ATP11A: variants seen among roughly 807,000 people sequenced by gnomAD.
ATP11A encodes the protein phospholipid-transporting ATPase IH.
ATP11A carries 81 observed loss-of-function variants against 154.4 expected under a neutral mutation model. The ratio of observed to expected loss-of-function variants is 0.52; its 90% CI spans 0.44 to 0.63. ATP11A has a LOEUF of 0.63. ATP11A is among the 30% of genes least tolerant of loss of function. The pLI, the probability that ATP11A is intolerant of heterozygous loss-of-function variation, is 0.00. For synonymous variants in ATP11A, 623 were observed against 585.9 expected (o/e 1.06, Z -0.91); for missense variants, 1,316 against 1,474.3 (o/e 0.89, Z 1.76).
intron 13 of ATP11A, 44 bp from the exon 14 acceptor site, chr13:112,832,816 G>A: frequency 6.3e-7 from 1 of 1,594,576 alleles, no homozygotes; most frequent in South Asian, 1.1e-5. Flanking sequence ...TATCTTCAGT[G>A]GACGCACCGT....
chr13:112,796,979 A>C (rs2078016166), intron 2 of ATP11A, among the ~76,000 whole-genome samples: 2 of 152,208 alleles, frequency 1.3e-5, no homozygotes, highest in Admixed American at 1.3e-4. Flanking sequence ...TAGGTGAAGC[A>C]GGCCAGGCAC....
intron 16 of ATP11A, among the ~76,000 whole-genome samples, chr13:112,841,895 C>T (rs2079431557): frequency 6.6e-6 from 1 of 152,264 alleles, no homozygotes; most frequent in South Asian, 2.1e-4. Context: ...ACAGATGACT[C>T]TCCGAAGGGG....
chr13:112,828,835 C>T (rs79401468), intron 12 of ATP11A, among the ~76,000 whole-genome samples: 2,591 of 152,292 alleles, frequency 0.017, 35 homozygotes, highest in Middle Eastern at 0.058. Context: ...TTCATCTGAC[C>T]GCAGCTCTGT....
At chr13:112,722,011 C>A (rs1423595035) in intron 1 of ATP11A, among the ~76,000 whole-genome samples, 1 of 152,094 alleles carries the variant, frequency 6.6e-6, no homozygotes, top group Non-Finnish European at 1.5e-5. Flanking sequence ...GCCACATAAC[C>A]CTGCAATCTG....
chr13:112,864,636 G>A (rs75899428), intron 25 of ATP11A, among the ~76,000 whole-genome samples: 5 of 48,826 alleles, frequency 1.0e-4, no homozygotes, highest in Non-Finnish European at 9.4e-5. Context: ...TCCCAGCGGG[G>A]TCCATCACCA....
rs1223579244 is a variant in ATP11A, at chr13:112,858,286, A to G, written c.2663A>G (p.Tyr888Cys). The G allele has an allele frequency of 5.0e-6, 8 of 1,611,980 alleles. No homozygotes were observed. The highest frequency in any genetic ancestry group is 1.3e-5 in the African/African-American group (1 of 74,876). The change falls in exon 22 of 30, where the codon TAT becomes TGT. Residue 888 changes from tyrosine to cysteine, a missense_variant. Transcript: ENST00000375645. ...RISELVQYFFYKNVCFIFPQF... is the reference protein window; with the variant it reads ...RISELVQYFFCKNVCFIFPQF... ...TCTGAGCTCGTGCAGTACTTCTTCT[A>G]TAAGGTAGGAGGGTCGCCGCTCCCC... is the stretch of plus-strand genomic sequence containing the variant.
At chr13:112,802,207 G>C (rs570650961) in intron 2 of ATP11A, among the ~76,000 whole-genome samples, 1 of 152,076 alleles carries the variant, frequency 6.6e-6, no homozygotes, top group Non-Finnish European at 1.5e-5. Context: ...TTAGCCGGGC[G>C]TGGTGGTGGG....
At chr13:112,783,413 G>A (rs1473629579) in intron 1 of ATP11A, among the ~76,000 whole-genome samples, 2 of 152,218 alleles carry the variant, frequency 1.3e-5, no homozygotes, top group African/African-American at 2.4e-5. Context: ...TTCTGTTCCC[G>A]TTGCCTCATT....
chr13:112,770,672 C>G (rs2077204579), intron 1 of ATP11A, among the ~76,000 whole-genome samples: 1 of 152,228 alleles, frequency 6.6e-6, no homozygotes. Flanking sequence ...GTTTATTACA[C>G]CCGAGCAAGG....
intron 1 of ATP11A, among the ~76,000 whole-genome samples, chr13:112,692,914 C>G (rs1041356203): frequency 2.6e-5 from 4 of 152,164 alleles, no homozygotes; most frequent in Non-Finnish European, 5.9e-5. Flanking sequence ...CTCATATTTC[C>G]TCATGGTTTC....
At chr13:112,832,668 A>G (rs1311358322) in intron 13 of ATP11A, among the ~76,000 whole-genome samples, 192 bp from the exon 14 acceptor site, 1 of 152,218 alleles carries the variant, frequency 6.6e-6, no homozygotes, top group Admixed American at 6.5e-5. Context: ...TCTCAATTAC[A>G]AAACAGAGTG....
intron 2 of ATP11A, among the ~76,000 whole-genome samples, chr13:112,797,690 C>T (rs1439816014): frequency 1.3e-5 from 2 of 152,142 alleles, no homozygotes; most frequent in African/African-American, 4.8e-5. Context: ...ATCCTTCATT[C>T]GTGAAGGAGA....
At chr13:112,781,987 C>T (rs1433493680) in intron 1 of ATP11A, among the ~76,000 whole-genome samples, 1 of 152,204 alleles carries the variant, frequency 6.6e-6, no homozygotes, top group Admixed American at 6.5e-5. Context: ...GGCCATCAGG[C>T]AAGGCCGCGC....
chr13:112,828,283 A>AG (rs1255355821), intron 12 of ATP11A, among the ~76,000 whole-genome samples: 2 of 124,954 alleles, frequency 1.6e-5, no homozygotes, highest in African/African-American at 6.2e-5. Context: ...AGTGTTGAGT[A>AG]GGGGGGAAAG....
At chr13:112,771,083 G>A (rs907147183) in intron 1 of ATP11A, among the ~76,000 whole-genome samples, 21 of 152,270 alleles carry the variant, frequency 1.4e-4, no homozygotes, top group Non-Finnish European at 2.6e-4. Context: ...TCTAACCCTG[G>A]CTAAAAGTGG....
chr13:112,709,666 A>AGCC (rs1403618191), intron 1 of ATP11A, among the ~76,000 whole-genome samples: 2 of 152,258 alleles, frequency 1.3e-5, no homozygotes, highest in African/African-American at 2.4e-5. Context: ...ATAGCCTGGA[A>AGCC]GCCCCTCGCT....
rs193069360 is a variant in ATP11A at position 112,719,539 on chromosome 13, C to T, written c.39+29084C>T. 3.7e-4 allele frequency among the ~76,000 whole-genome samples: 57 copies of T among 152,258 alleles called. 1 individual carries two copies. Among genetic ancestry groups the T allele is most frequent in the African/African-American group, 1.2e-3 (51 of 41,542 alleles). ...TTGGATTTTAATTACAATTCCTTAA[C>T]GGGGCAGCGTCCGTTCTACATAATG... On this transcript the variant is annotated intron_variant, in intron 1 of 29. Transcript: ENST00000375645.
At position 112,697,715 on chromosome 13, in the gene ATP11A, G is replaced by A. The variant is rs1365708217; in HGVS notation, c.39+7260G>A. Among the ~76,000 whole-genome samples, 1 of 139,250 alleles carries A rather than the reference G, an allele frequency of 7.2e-6. No homozygotes were observed. The highest frequency in any genetic ancestry group is 2.7e-5 in the African/African-American group (1 of 37,284). 91.4% of individuals were successfully genotyped at this position (139,250 alleles called of 152,430 possible). ...CCTGAGTAGCTGGGATTTGTGCCACGACGCCCGGCCAGTTTTTTTTTTTTT... is the reference window on the plus strand; with the variant it reads ...CCTGAGTAGCTGGGATTTGTGCCACAACGCCCGGCCAGTTTTTTTTTTTTT... On this transcript the variant is annotated intron_variant, in intron 1 of 29. Transcript: ENST00000375645. This position sits in a 1 kb window ranked among gnomAD's most constrained non-coding sequence, Gnocchi z 4.0.
Position 112,690,655 on chromosome 13 carries a change from G to T in ATP11A, c.39+200G>T, listed in dbSNP as rs986623689. On this transcript the variant is annotated intron_variant, in intron 1 of 29. Coordinates refer to ENST00000375645, the MANE Select transcript of ATP11A (RefSeq NM_015205.3). The surrounding 1 kb of genome is among the most constrained non-coding windows in gnomAD (Gnocchi z 5.6). Reference sequence around the variant, plus strand: ...ACCCTGGGGCTTCCGACGGGGTCTAGGTGGGCACAGCGCGGGGCCCCAGCC... The same window carrying T: ...ACCCTGGGGCTTCCGACGGGGTCTATGTGGGCACAGCGCGGGGCCCCAGCC... Among the ~76,000 whole-genome samples, 3 of 151,914 alleles carry T rather than the reference G, an allele frequency of 2.0e-5. No homozygotes were observed. Among genetic ancestry groups the T allele is most frequent in the Admixed American group, 6.5e-5 (1 of 15,278 alleles).
Sources: allele counts gnomAD v4.1 joint callset (sites outside exome capture counted in the v4.1 genomes callset), GRCh38; gene constraint gnomAD v4.1.1; non-coding constraint Gnocchi (gnomAD v3.1); transcripts MANE v1.5; gene names NCBI Gene and HGNC (gene_info 2026-07-23, HGNC 2026-07-21).